The following CYB5R3 variants were observed in gnomAD, a reference collection of about 807,000 sequenced individuals.
CYB5R3 encodes cytochrome b5 reductase 3.
CYB5R3 carries 28 observed loss-of-function variants against 36.5 expected under a neutral mutation model. The observed-to-expected ratio is 0.77, with a 90% CI of 0.57 to 1.05. CYB5R3 has a LOEUF of 1.05. Ranked by LOEUF, CYB5R3 falls within the 50% of genes least tolerant of loss-of-function variation. The pLI, the probability that CYB5R3 is intolerant of heterozygous loss-of-function variation, is 0.00. For synonymous variants in CYB5R3, 181 were observed against 159.8 expected (o/e 1.13, Z -1.00); for missense variants, 474 against 408.9 (o/e 1.16, Z -1.37).
intron 1 of CYB5R3, among the ~76,000 whole-genome samples, chr22:42,648,222 A>AG (rs1225341387): frequency 2.6e-5 from 3 of 116,036 alleles, no homozygotes; most frequent in Non-Finnish European, 4.1e-5. Context: ...AGGAGACTCC[A>AG]GGTCCTCCCC....
intron 7 of CYB5R3, among the ~76,000 whole-genome samples, chr22:42,626,647 G>C (rs1928283681): frequency 6.6e-6 from 1 of 152,206 alleles, no homozygotes; most frequent in Admixed American, 6.5e-5. Context: ...GCAGGGTGGG[G>C]CAAGGACCCA....
rs763063 is a variant in CYB5R3, at chr22:42,644,787, G to A, written c.21+4508C>T. 0.63 allele frequency among the ~76,000 whole-genome samples: 96,378 copies of A among 152,028 alleles called. 30,784 individuals are homozygous for A. The highest frequency in any genetic ancestry group is 0.87 in the East Asian group (4,521 of 5,170). ...GAACTTGAATGACATTAGGAGCTGGGGTTGTGCTTGGTGCTCCCTGGAGTT... is the reference window on the plus strand; with the variant it reads ...GAACTTGAATGACATTAGGAGCTGGAGTTGTGCTTGGTGCTCCCTGGAGTT... On this transcript the variant is annotated intron_variant, in intron 1 of 8. Transcript: ENST00000352397.
At chr22:42,638,352 T>G (rs1247520161) in intron 1 of CYB5R3, among the ~76,000 whole-genome samples, 1 of 124,770 alleles carries the variant, frequency 8.0e-6, no homozygotes, top group Non-Finnish European at 1.6e-5. Flanking sequence ...GCCAAGATCA[T>G]GCCATTGCAC....
At chr22:42,636,559 C>T (rs1437107715) in intron 2 of CYB5R3, among the ~76,000 whole-genome samples, 156 bp downstream of exon 2, 1 of 152,238 alleles carries the variant, frequency 6.6e-6, no homozygotes, top group East Asian at 1.9e-4. Flanking sequence ...CTGCTACTTC[C>T]TGGTGGCCTT....
intron 1 of CYB5R3, among the ~76,000 whole-genome samples, chr22:42,648,750 T>C (rs916641249): frequency 4.6e-5 from 7 of 152,138 alleles, no homozygotes; most frequent in African/African-American, 1.2e-4. Flanking sequence ...TCCTTGTTGC[T>C]AAACGTGCAA....
At chr22:42,639,670 G>C (rs923711082) in intron 1 of CYB5R3, 89 of 331,880 alleles carry the variant, frequency 2.7e-4, no homozygotes, top group Non-Finnish European at 3.0e-4. Flanking sequence ...TTAGATAATA[G>C]TGTTGTACCA....
intron 2 of CYB5R3, among the ~76,000 whole-genome samples, chr22:42,636,198 C>T (rs1009697751): frequency 6.6e-6 from 1 of 151,644 alleles, no homozygotes; most frequent in Non-Finnish European, 1.5e-5. Flanking sequence ...GCCTGGGACA[C>T]AGGGCAAGAC....
intron 1 of CYB5R3, among the ~76,000 whole-genome samples, chr22:42,638,728 T>TTAAAAAAA (rs1569324852): frequency 2.1e-5 from 1 of 47,488 alleles, no homozygotes; most frequent in African/African-American, 1.1e-4. Context: ...CAAGACTCCA[T>TTAAAAAAA]AAAAAAAAAA....
intron 1 of CYB5R3, among the ~76,000 whole-genome samples, chr22:42,638,193 C>A (rs1049485385): frequency 6.6e-6 from 1 of 151,844 alleles, no homozygotes; most frequent in Admixed American, 6.6e-5. Context: ...GTCAGGAGTT[C>A]GAGACCAGCC....
Position 42,619,879 on chromosome 22 carries a change from T to A in CYB5R3, c.800A>T (p.Glu267Val). Residue 267 changes from glutamate (E) to valine (V), a missense_variant, in exon 9 of 9, where the codon GAG (glutamate) becomes GTG (valine). Coordinates refer to ENST00000352397, the MANE Select transcript of CYB5R3 (RefSeq NM_000398.7). ...MIRDHLPPPE[E>V]EPLVLMCGPP... ...GCCACACATCAGCACCAGCGGCTCC[T>A]CCTCTGGGGGTGGAAGGTGGTCCCG... 6.2e-7 allele frequency: 1 copy of A among 1,608,212 alleles called. No homozygotes were observed. The highest frequency in any genetic ancestry group is 8.5e-7 in the Non-Finnish European group (1 of 1,177,678).
At chr22:42,631,550 C>G (rs1928622391) in intron 2 of CYB5R3, 100 bp from the exon 3 acceptor site, 1 of 1,003,194 alleles carries the variant, frequency 1.0e-6, no homozygotes, top group Admixed American at 2.0e-5. Flanking sequence ...CCTTTGTGTC[C>G]CCACCCTTCC....
At chr22:42,627,197 C>A in intron 7 of CYB5R3, 107 bp downstream of exon 7, 1 of 973,900 alleles carries the variant, frequency 1.0e-6, no homozygotes, top group Non-Finnish European at 1.6e-6. Flanking sequence ...CCGGTCATCC[C>A]CAGAATCTCA....
At chr22:42,627,733 G>A (rs778645433) in intron 5 of CYB5R3, 45 bp from the exon 6 acceptor site, 1 of 1,437,672 alleles carries the variant, frequency 7.0e-7, no homozygotes, top group African/African-American at 1.4e-5. Context: ...AACATGCCAT[G>A]TGTGGTGGCT....
chr22:42,640,323 C>A, intron 1 of CYB5R3: 2 of 1,467,540 alleles, frequency 1.4e-6, no homozygotes, highest in Non-Finnish European at 1.8e-6. Context: ...CTGAAGGTCA[C>A]CCCCCGGAAG....
chr22:42,635,082 GC>G (rs1928823786), intron 2 of CYB5R3, among the ~76,000 whole-genome samples: 1 of 151,190 alleles, frequency 6.6e-6, no homozygotes, highest in Admixed American at 6.6e-5. Flanking sequence ...TCATTCTCCT[GC>G]CTCAGCCTCG....
At chr22:42,621,183 AGTGTGTGTGTGTGT>A (rs61564405) in intron 8 of CYB5R3, among the ~76,000 whole-genome samples, 58 of 147,826 alleles carry the variant, frequency 3.9e-4, no homozygotes, top group African/African-American at 1.2e-3. Flanking sequence ...ATTTCTTTTT[AGTGTGTGTGTGTGT>A]GTGTGTGTGT....
intron 2 of CYB5R3, among the ~76,000 whole-genome samples, chr22:42,633,559 C>A (rs962160035): frequency 2.0e-5 from 3 of 152,152 alleles, no homozygotes; most frequent in Non-Finnish European, 2.9e-5. Context: ...TCGAGGCGGG[C>A]GGATCACCTG....
At chr22:42,622,141 C>G (rs1047924615) in intron 8 of CYB5R3, among the ~76,000 whole-genome samples, 1 of 152,140 alleles carries the variant, frequency 6.6e-6, no homozygotes, top group Non-Finnish European at 1.5e-5. Flanking sequence ...AGGATGGTCT[C>G]GATCTCTTGA....
chr22:42,623,161 A>G (rs182648572), intron 8 of CYB5R3, among the ~76,000 whole-genome samples: 4 of 152,302 alleles, frequency 2.6e-5, no homozygotes, highest in Admixed American at 2.0e-4. Flanking sequence ...AGAAATTGAG[A>G]TATTACTTAT....
Sources: gnomAD v4.1 joint callset for allele counts (sites outside exome capture counted in the v4.1 genomes callset) on GRCh38, gnomAD v4.1.1 for gene constraint, MANE v1.5 for transcripts, NCBI Gene and HGNC (gene_info 2026-07-23, HGNC 2026-07-21) for gene names.